The following RNF111 variants were observed in gnomAD, a reference collection of about 807,000 sequenced individuals.
RNF111 encodes the protein ring finger protein 111.
Under a neutral mutation model 95.1 loss-of-function variants are expected in RNF111, and 17 were observed. That is an observed-to-expected ratio of 0.18 (90% confidence interval 0.12 to 0.27). RNF111 has a LOEUF of 0.27. RNF111 is among the 10% of genes least tolerant of loss of function. The probability of loss-of-function intolerance (pLI) is 1.00; values close to 1 mark genes in which losing one functional copy is unlikely to be tolerated. For synonymous variants in RNF111, 440 were observed against 414.8 expected (o/e 1.06, Z -0.74); for missense variants, 1,189 against 1,210.4 (o/e 0.98, Z 0.26).
rs79757484 is a variant in RNF111, at chr15:59,029,899, G to A, written c.-19-905G>A. Among the ~76,000 whole-genome samples, 1,058 of 152,166 alleles carry A rather than the reference G, an allele frequency of 7.0e-3. 7 individuals carry two copies. The highest frequency in any genetic ancestry group is 0.011 in the Non-Finnish European group (722 of 67,976). On this transcript the variant is annotated intron_variant, in intron 1 of 13. Coordinates refer to ENST00000348370, the MANE Select transcript of RNF111 (RefSeq NM_017610.8). ...CTTAATAAAAACTTGTTAAAAATATGTTAACATTGTTTATTCATGTTTTGC... is the reference window on the plus strand; with the variant it reads ...CTTAATAAAAACTTGTTAAAAATATATTAACATTGTTTATTCATGTTTTGC...
chr15:58,995,696 C>T (rs1204409315), intron 1 of RNF111, among the ~76,000 whole-genome samples: 1 of 150,892 alleles, frequency 6.6e-6, no homozygotes, highest in East Asian at 1.9e-4. Context: ...GACCTTGTGA[C>T]CTCGTGATCC....
At chr15:58,995,390 T>G (rs1233779027) in intron 1 of RNF111, among the ~76,000 whole-genome samples, 1 of 152,228 alleles carries the variant, frequency 6.6e-6, no homozygotes, top group African/African-American at 2.4e-5. Flanking sequence ...TTTATTTTGA[T>G]GTTCAAATTG....
intron 5 of RNF111, among the ~76,000 whole-genome samples, chr15:59,059,317 C>T (rs1338765172): frequency 6.6e-6 from 1 of 152,122 alleles, no homozygotes; most frequent in Admixed American, 6.6e-5. Context: ...CCACTTTGCA[C>T]CAACTAGGGT....
At chr15:58,998,940 A>G (rs186282264) in intron 1 of RNF111, among the ~76,000 whole-genome samples, 1 of 152,354 alleles carries the variant, frequency 6.6e-6, no homozygotes, top group African/African-American at 2.4e-5. Flanking sequence ...TGAAAGATCT[A>G]TGTAAAGTGC....
At chr15:59,044,751 C>G (rs2041628374) in intron 2 of RNF111, among the ~76,000 whole-genome samples, 1 of 152,066 alleles carries the variant, frequency 6.6e-6, no homozygotes, top group South Asian at 2.1e-4. Context: ...AAGAAGTGAC[C>G]TATTCTCTTG....
intron 2 of RNF111, among the ~76,000 whole-genome samples, chr15:59,047,707 C>A (rs192992869): frequency 1.6e-3 from 251 of 152,200 alleles, no homozygotes; most frequent in Non-Finnish European, 3.1e-3. Flanking sequence ...TCCCAAGTAT[C>A]TGGGACTACA....
At chr15:59,054,668 CT>C (rs1156590592) in intron 3 of RNF111, among the ~76,000 whole-genome samples, 1 of 151,938 alleles carries the variant, frequency 6.6e-6, no homozygotes, top group Non-Finnish European at 1.5e-5. Flanking sequence ...AGAATTTGAA[CT>C]TTTTAAACTC....
chr15:59,068,988 C>G (rs1205951373), intron 6 of RNF111, among the ~76,000 whole-genome samples: 1 of 147,740 alleles, frequency 6.8e-6, no homozygotes, highest in East Asian at 2.0e-4. Flanking sequence ...GCAGGAGAAT[C>G]GATTGAACGT....
intron 4 of RNF111, among the ~76,000 whole-genome samples, chr15:59,056,845 CT>C (rs1190592974): frequency 1.3e-5 from 2 of 152,088 alleles, no homozygotes; most frequent in African/African-American, 2.4e-5. Flanking sequence ...ATTTTGGAAA[CT>C]TTTTGTGTTC....
In RNF111 at chr15:59,081,020, C is replaced by T. The variant is rs563035310; in HGVS notation, c.2033C>T (p.Pro678Leu). The change falls in exon 8 of 14, where the codon CCG (proline) becomes CTG (leucine). Residue 678 changes from proline (P) to leucine (L), a missense_variant. Coordinates refer to ENST00000348370, the MANE Select transcript of RNF111 (RefSeq NM_017610.8). ...AACCCCCCTCCTCAGACTCAGCCTC[C>T]GCCTCAAGTGGATTATGTTATTCCT... ...HGNPPPQTQPPPQVDYVIPHP... is the reference protein window; with the variant it reads ...HGNPPPQTQPLPQVDYVIPHP... 199 of 1,614,026 alleles carry T rather than the reference C, an allele frequency of 1.2e-4. No homozygotes were observed. The highest frequency in any genetic ancestry group is 1.8e-4 in the Admixed American group (11 of 59,994).
At chr15:59,055,589 A>G in intron 3 of RNF111, 93 bp from the exon 4 acceptor site, 1 of 983,884 alleles carries the variant, frequency 1.0e-6, no homozygotes. Context: ...TTGTATGAAA[A>G]ACTTAACATT....
At chr15:59,077,820 TGAGAATG>T (rs2078610047) in intron 7 of RNF111, among the ~76,000 whole-genome samples, 1 of 152,228 alleles carries the variant, frequency 6.6e-6, no homozygotes, top group Non-Finnish European at 1.5e-5. Context: ...AGTGTGTTAA[TGAGAATG>T]AAGGTAGGAA....
At position 59,058,235 on chromosome 15, in the gene RNF111, A is replaced by G. The variant is rs1397137730; in HGVS notation, c.1172-121A>G. The G allele has an allele frequency of 9.2e-6, 7 of 756,896 alleles. No homozygotes were observed. The Admixed American group carries it at 2.0e-4, about 22-fold the overall frequency. The allele number at this position is 756,896 out of a possible 1,614,324, so 46.9% of individuals were successfully genotyped here. The stretch of plus-strand genomic sequence containing the variant: ...AACGCTTTCTTTACCAAATGTTATT[A>G]GAGAGCTTGTATTTTTAAAGTTTTT... On this transcript the variant is annotated intron_variant, in intron 4 of 13. Coordinates refer to ENST00000348370, the MANE Select transcript of RNF111 (RefSeq NM_017610.8).
In RNF111 at chr15:59,052,797, C is replaced by A. The variant is rs538296567; in HGVS notation, c.1007+366C>A. Among the ~76,000 whole-genome samples, 354 of 152,036 alleles carry A rather than the reference C, an allele frequency of 2.3e-3. 1 individual carries two copies. Among genetic ancestry groups the A allele is most frequent in the African/African-American group, 8.0e-3 (334 of 41,498 alleles). On this transcript the variant is annotated intron_variant, in intron 3 of 13. Coordinates refer to ENST00000348370, the MANE Select transcript of RNF111 (RefSeq NM_017610.8). ...GCTATATTGTTGCCCAGACTCTTTC[C>A]CATACTTGAACTAGAATTTTAGAGG...
intron 8 of RNF111, among the ~76,000 whole-genome samples, chr15:59,082,112 C>A (rs2078762572): frequency 6.6e-6 from 1 of 152,184 alleles, no homozygotes; most frequent in Admixed American, 6.5e-5. Flanking sequence ...TATACTAAAT[C>A]CTCATTTCAC....
chr15:58,988,779 G>A (rs576279892), intron 1 of RNF111, among the ~76,000 whole-genome samples: 1 of 152,186 alleles, frequency 6.6e-6, no homozygotes, highest in Admixed American at 6.5e-5. Flanking sequence ...ATTTGTTCGT[G>A]TGTGTGTTGT....
chr15:58,988,707 G>A (rs191950345), intron 1 of RNF111, among the ~76,000 whole-genome samples: 2 of 152,318 alleles, frequency 1.3e-5, no homozygotes, highest in South Asian at 2.1e-4. Context: ...TTACAGATGG[G>A]TATTTCTCAA....
At position 59,030,786 on chromosome 15, in the gene RNF111, T is replaced by C. The variant is rs1171373862; in HGVS notation, c.-19-18T>C. 1.3e-6 allele frequency: 2 copies of C among 1,493,564 alleles called. No individual in the cohort carries two copies. The highest frequency in any genetic ancestry group is 1.8e-6 in the Non-Finnish European group (2 of 1,113,120). The allele number at this position is 1,493,564 out of a possible 1,614,324, so 92.5% of individuals were successfully genotyped here. ...AAACACATTAAAAATCTTTTAAATATCTAATTTTGTCTTCTAGGCTTTCCT... is the reference window on the plus strand; with the variant it reads ...AAACACATTAAAAATCTTTTAAATACCTAATTTTGTCTTCTAGGCTTTCCT... On this transcript the variant is annotated intron_variant, in intron 1 of 13. Transcript: ENST00000348370.
intron 2 of RNF111, among the ~76,000 whole-genome samples, chr15:59,044,464 A>G (rs2041615262): frequency 6.6e-6 from 1 of 152,222 alleles, no homozygotes; most frequent in East Asian, 1.9e-4. Context: ...CAGGAAATAG[A>G]AATGGGCTTT....
Sources: allele counts gnomAD v4.1 joint callset (sites outside exome capture counted in the v4.1 genomes callset), GRCh38; gene constraint gnomAD v4.1.1; transcripts MANE v1.5; gene names NCBI Gene and HGNC (gene_info 2026-07-23, HGNC 2026-07-21).